PARD6G: variants seen among roughly 807,000 people sequenced by gnomAD.
The protein encoded by PARD6G is partitioning defective 6 homolog gamma.
In PARD6G, 7 loss-of-function variants were observed where a neutral mutation model predicts 10.7. That is an observed-to-expected ratio of 0.66 (90% confidence interval 0.37 to 1.23). PARD6G has a LOEUF of 1.23. PARD6G is among the 50% of genes most tolerant of loss of function. The pLI, the probability that PARD6G is intolerant of heterozygous loss-of-function variation, is 0.02. For synonymous variants in PARD6G, 287 were observed against 269.4 expected (o/e 1.07, Z -0.64); for missense variants, 548 against 571.8 (o/e 0.96, Z 0.42).
chr18:80,170,554 C>A (rs2052769082), intron 2 of PARD6G: 1 of 152,306 alleles, frequency 6.6e-6, no homozygotes, highest in African/African-American at 2.4e-5. Flanking sequence ...GGTGCCTGCC[C>A]CAGGACCTGT....
At chr18:80,209,073 T>C (rs1404974655) in intron 1 of PARD6G, among the ~76,000 whole-genome samples, 1 of 151,838 alleles carries the variant, frequency 6.6e-6, no homozygotes, top group Non-Finnish European at 1.5e-5. Context: ...GCACTCCAGC[T>C]TGAGTAACAG....
At chr18:80,232,885 A>T (rs951799334) in intron 1 of PARD6G, among the ~76,000 whole-genome samples, 2 of 152,186 alleles carry the variant, frequency 1.3e-5, no homozygotes, top group Admixed American at 1.3e-4. Context: ...ACGGGGCCAC[A>T]TCCCTGGGGA....
intron 1 of PARD6G, among the ~76,000 whole-genome samples, chr18:80,223,965 G>C (rs1184881797): frequency 1.3e-5 from 2 of 152,194 alleles, no homozygotes; most frequent in African/African-American, 4.8e-5. Flanking sequence ...GGCTTTTCCA[G>C]TTAAAATGGA....
chr18:80,160,144 C>A lies in PARD6G; in HGVS notation c.758G>T (p.Arg253Leu). 1 of 1,613,222 alleles carries A rather than the reference C, an allele frequency of 6.2e-7. No homozygotes were observed. Among genetic ancestry groups the A allele is most frequent in the Non-Finnish European group, 8.5e-7 (1 of 1,179,746 alleles). The change falls in exon 3 of 3, where the codon CGC (arginine) becomes CTC (leucine). Residue 253 changes from arginine (R) to leucine (L), a missense_variant. Transcript: ENST00000353265. ...GCGGCCGCCGCGCACCACGTTGTTG[C>A]GCTGGTTGGCGGGCTTGACGGTGAC... ...LIVTVKPANQ[R>L]NNVVRGGRAL...
rs763837737 is a variant in PARD6G, at chr18:80,202,691, C to T, written c.295+19G>A. 1.3e-6 allele frequency: 2 copies of T among 1,599,326 alleles called. No individual in the cohort carries two copies. Among genetic ancestry groups the T allele is most frequent in the Non-Finnish European group, 8.6e-7 (1 of 1,168,446 alleles). Reference sequence around the variant, plus strand: ...TGATTTCTCAACAAGACCAGCCGGCCACTCAACCACTTCAGTACCTCGTTT... The same window carrying T: ...TGATTTCTCAACAAGACCAGCCGGCTACTCAACCACTTCAGTACCTCGTTT... On this transcript the variant is annotated intron_variant, in intron 2 of 2. Transcript: ENST00000353265.
At chr18:80,243,693 A>G (rs1431342257) in intron 1 of PARD6G, among the ~76,000 whole-genome samples, 3 of 152,138 alleles carry the variant, frequency 2.0e-5, no homozygotes, top group African/African-American at 7.2e-5. Context: ...AAACACCAAG[A>G]AGGGGTCGGA....
In PARD6G at chr18:80,174,846, C is replaced by T. The variant is rs377320611; in HGVS notation, c.296-14240G>A. Among the ~76,000 whole-genome samples, 82 of 152,030 alleles carry T rather than the reference C, an allele frequency of 5.4e-4. No individual in the cohort carries two copies. In the East Asian group the frequency reaches 8.2e-3, roughly 15 times the overall value. On this transcript the variant is annotated intron_variant, in intron 2 of 2. Coordinates refer to ENST00000353265, the MANE Select transcript of PARD6G (RefSeq NM_032510.4). ...GCGGGCGCCTGTAGTCCCAGCTACT[C>T]GAGAGGCTGAGGCAGGAGAATGGCG...
chr18:80,177,218 G>GCACACA (rs35217634), intron 2 of PARD6G, among the ~76,000 whole-genome samples: 19,511 of 98,534 alleles, frequency 0.2, 2,487 homozygotes, highest in African/African-American at 0.25. Context: ...AATGGGAAGC[G>GCACACA]CACACACACA....
chr18:80,163,566 A>G (rs1011726181), intron 2 of PARD6G, among the ~76,000 whole-genome samples: 37 of 152,184 alleles, frequency 2.4e-4, no homozygotes, highest in African/African-American at 8.4e-4. Context: ...CCTTCCACCA[A>G]AACCACAAAC....
intron 2 of PARD6G, among the ~76,000 whole-genome samples, chr18:80,202,380 G>A (rs761999287): frequency 6.6e-6 from 1 of 152,026 alleles, no homozygotes; most frequent in Non-Finnish European, 1.5e-5. Flanking sequence ...GATGATGGAG[G>A]GCATGCACCG....
chr18:80,224,692 A>G (rs1967271014), intron 1 of PARD6G, among the ~76,000 whole-genome samples: 1 of 152,128 alleles, frequency 6.6e-6, no homozygotes, highest in South Asian at 2.1e-4. Context: ...CTAAAAATAC[A>G]AAAAATTAGC....
rs562582060 is a variant in PARD6G, at chr18:80,232,579, G to A, written c.72+14698C>T. Among the ~76,000 whole-genome samples the A allele has an allele frequency of 1.4e-4, 22 of 152,164 alleles. No homozygotes were observed. The South Asian group carries it at 3.5e-3, about 24-fold the overall frequency. On this transcript the variant is annotated intron_variant, in intron 1 of 2. Coordinates refer to ENST00000353265, the MANE Select transcript of PARD6G (RefSeq NM_032510.4). ...TCTCATGAGACTTATTCACTACCAC[G>A]AGAACAATGTGGGGGAAACTGCCCC...
chr18:80,168,129 C>T (rs1259041420), intron 2 of PARD6G, among the ~76,000 whole-genome samples: 3 of 152,114 alleles, frequency 2.0e-5, no homozygotes, highest in Non-Finnish European at 2.9e-5. Flanking sequence ...GCCCAGGGTG[C>T]GTTTGGTGCC....
Position 80,201,081 on chromosome 18 carries a change from AC to A in PARD6G, c.295+1628del, listed in dbSNP as rs1967003201. On this transcript the variant is annotated intron_variant, in intron 2 of 2. Transcript: ENST00000353265. The surrounding 1 kb of genome is among the most constrained non-coding windows in gnomAD (Gnocchi z 5.9). ...ATGGCAGGGGCACAGCCAGGAACAC[AC>A]CCCCACCCTACGCTCCTGGTCGGGT... 6.6e-6 allele frequency among the ~76,000 whole-genome samples: 1 copy of A among 151,734 alleles called. No homozygotes were observed. Among genetic ancestry groups the A allele is most frequent in the Non-Finnish European group, 1.5e-5 (1 of 67,954 alleles).
At chr18:80,218,349 C>T (rs546422043) in intron 1 of PARD6G, among the ~76,000 whole-genome samples, 2 of 152,000 alleles carry the variant, frequency 1.3e-5, no homozygotes, top group East Asian at 3.9e-4. Flanking sequence ...ACACCCATTC[C>T]AAACAGGAGA....
At chr18:80,187,641 C>T (rs1054712253) in intron 2 of PARD6G, 2 of 152,344 alleles carry the variant, frequency 1.3e-5, no homozygotes, top group South Asian at 4.1e-4. Context: ...GTGTGGTACC[C>T]ACAGCACCTA....
At chr18:80,223,349 A>G (rs9953990) in intron 1 of PARD6G, among the ~76,000 whole-genome samples, 3,911 of 152,330 alleles carry the variant, frequency 0.026, 159 homozygotes, top group African/African-American at 0.089. Context: ...ATGACAGAAA[A>G]TATTTGCAAA....
chr18:80,210,235 G>T (rs938792222), intron 1 of PARD6G, among the ~76,000 whole-genome samples: 1 of 152,200 alleles, frequency 6.6e-6, no homozygotes, highest in South Asian at 2.1e-4. Flanking sequence ...TGGAAGACTA[G>T]GACCTGCAAA....
intron 1 of PARD6G, among the ~76,000 whole-genome samples, chr18:80,230,069 C>T (rs1967340464): frequency 6.6e-6 from 1 of 152,214 alleles, no homozygotes; most frequent in Non-Finnish European, 1.5e-5. Flanking sequence ...GGTGGGGTCA[C>T]ATGCCCAGCT....
Sources: gnomAD v4.1 joint callset for allele counts (sites outside exome capture counted in the v4.1 genomes callset) on GRCh38, gnomAD v4.1.1 for gene constraint, Gnocchi (gnomAD v3.1) non-coding constraint, MANE v1.5 for transcripts, NCBI Gene and HGNC (gene_info 2026-07-23, HGNC 2026-07-21) for gene names.